SLC25A24: variants seen among roughly 807,000 people sequenced by gnomAD.
SLC25A24 encodes solute carrier family 25 member 24, also known as mitochondrial adenyl nucleotide antiporter SLC25A24.
In SLC25A24, 49 loss-of-function variants were observed where a neutral mutation model predicts 60.7. The ratio of observed to expected loss-of-function variants is 0.81; its 90% CI spans 0.64 to 1.02. The LOEUF is 1.02. Ranked by LOEUF, SLC25A24 falls within the 50% of genes least tolerant of loss-of-function variation. The pLI is 0.00. For synonymous variants in SLC25A24, 202 were observed against 200.6 expected (o/e 1.01, Z -0.06); for missense variants, 564 against 586.3 (o/e 0.96, Z 0.39).
intron 4 of SLC25A24, among the ~76,000 whole-genome samples, chr1:108,158,206 T>C (rs879701075): frequency 3.3e-5 from 5 of 152,216 alleles, no homozygotes; most frequent in Non-Finnish European, 7.3e-5. Flanking sequence ...ATAGATTCTA[T>C]ATAAAATTTA....
At chr1:108,144,851 T>C (rs1380934250) in intron 7 of SLC25A24, among the ~76,000 whole-genome samples, 1 of 152,246 alleles carries the variant, frequency 6.6e-6, no homozygotes. Context: ...TTGGGTTGGT[T>C]CCAAGTCTTT....
intron 9 of SLC25A24, 112 bp downstream of exon 9, chr1:108,138,946 T>G: frequency 9.0e-7 from 1 of 1,110,686 alleles, no homozygotes; most frequent in Non-Finnish European, 1.2e-6. Context: ...AAAAAAAGGT[T>G]GAGAAATACT....
chr1:108,142,976 G>T (rs1194746914), intron 8 of SLC25A24, among the ~76,000 whole-genome samples: 1 of 152,102 alleles, frequency 6.6e-6, no homozygotes, highest in East Asian at 1.9e-4. Flanking sequence ...GCTCATGTCT[G>T]TCGCAGCACA....
rs189031939 is a variant in SLC25A24 at position 108,137,715 on chromosome 1, A to C, written c.1250-878T>G. ...GCTGGCAGACAGGAGGGTTAGAATC[A>C]GACTGCATGTGTCTGAATTTCAGTC... On this transcript the variant is annotated intron_variant, in intron 9 of 9. Transcript: ENST00000565488. 5.6e-4 allele frequency among the ~76,000 whole-genome samples: 86 copies of C among 152,334 alleles called. 1 individual carries two copies. The highest frequency in any genetic ancestry group is 8.5e-4 in the Admixed American group (13 of 15,310).
intron 2 of SLC25A24, among the ~76,000 whole-genome samples, chr1:108,185,383 C>T (rs1368872588): frequency 1.3e-5 from 2 of 152,034 alleles, no homozygotes; most frequent in Non-Finnish European, 2.9e-5. Context: ...TAAATTAATT[C>T]TTCCAAAAAA....
chr1:108,191,623 A>G lies in SLC25A24; in HGVS notation c.184-5669T>C, dbSNP rs1648345384. On this transcript the variant is annotated intron_variant, in intron 1 of 9. Transcript: ENST00000565488. ...AATGTGCTCAAACTAGAACTGACCC[A>G]TGACTGAATGGATGCTTCAATATTC... 1.4e-5 allele frequency among the ~76,000 whole-genome samples: 2 copies of G among 139,698 alleles called. 1 individual carries two copies. Among genetic ancestry groups the G allele is most frequent in the Admixed American group, 1.6e-4 (2 of 12,284 alleles). The allele number at this position is 139,698 out of a possible 152,430, so 91.6% of individuals were successfully genotyped here.
At chr1:108,199,060 A>G (rs752824509) in intron 1 of SLC25A24, 2 of 152,270 alleles carry the variant, frequency 1.3e-5, no homozygotes, top group Non-Finnish European at 2.9e-5. Flanking sequence ...GGTGAGTATT[A>G]TGAACCTTGG....
chr1:108,165,948 T>A (rs1069909), intron 3 of SLC25A24, among the ~76,000 whole-genome samples: 30,347 of 152,188 alleles, frequency 0.2, 3,165 homozygotes, highest in Admixed American at 0.22. Flanking sequence ...TTCCTTTCCA[T>A]GTTAAGCACT....
chr1:108,155,260 A>G (rs1679865553), intron 5 of SLC25A24, 125 bp from the exon 6 acceptor site: 2 of 870,954 alleles, frequency 2.3e-6, no homozygotes, highest in African/African-American at 1.7e-5. Context: ...AAAATAAAAT[A>G]TAGAAAGGTT....
intron 3 of SLC25A24, among the ~76,000 whole-genome samples, chr1:108,178,823 A>C (rs999437960): frequency 1.3e-5 from 2 of 152,106 alleles, no homozygotes; most frequent in African/African-American, 2.4e-5. Flanking sequence ...AAAAAAAAAA[A>C]CAACAACTAG....
chr1:108,157,650 G>A lies in SLC25A24; in HGVS notation c.511-30C>T, dbSNP rs561224091. 105 of 1,595,546 alleles carry A rather than the reference G, an allele frequency of 6.6e-5. 1 individual carries two copies. The South Asian group carries it at 7.5e-4, about 11-fold the overall frequency. ...AAAAATGAAAAAAAGATCCCCATGCGCCTTAGTTAAAAATAATCCCAGAAG... is the reference window on the plus strand; with the variant it reads ...AAAAATGAAAAAAAGATCCCCATGCACCTTAGTTAAAAATAATCCCAGAAG... On this transcript the variant is annotated intron_variant, in intron 4 of 9. Coordinates refer to ENST00000565488, the MANE Select transcript of SLC25A24 (RefSeq NM_013386.5).
intron 7 of SLC25A24, among the ~76,000 whole-genome samples, chr1:108,143,992 C>G (rs1679517110): frequency 6.6e-6 from 1 of 152,114 alleles, no homozygotes; most frequent in Non-Finnish European, 1.5e-5. Flanking sequence ...CTGGTGACCA[C>G]CTGCATCTGG....
intron 3 of SLC25A24, among the ~76,000 whole-genome samples, chr1:108,175,463 A>G (rs1412250786): frequency 1.3e-5 from 2 of 152,160 alleles, no homozygotes; most frequent in Non-Finnish European, 2.9e-5. Context: ...ACCCAGTCTC[A>G]GGCAGTTCTT....
At chr1:108,177,500 A>G (rs1323209948) in intron 3 of SLC25A24, among the ~76,000 whole-genome samples, 1 of 152,184 alleles carries the variant, frequency 6.6e-6, no homozygotes, top group Non-Finnish European at 1.5e-5. Context: ...AGATCCAACT[A>G]TATGCTGCCC....
At chr1:108,173,485 C>T (rs1647555858) in intron 3 of SLC25A24, among the ~76,000 whole-genome samples, 1 of 152,198 alleles carries the variant, frequency 6.6e-6, no homozygotes, top group Non-Finnish European at 1.5e-5. Flanking sequence ...TCAATTAAAC[C>T]TCTTTCCTTT....
intron 1 of SLC25A24, among the ~76,000 whole-genome samples, chr1:108,186,558 AAAAG>A (rs1341540378): frequency 1.3e-5 from 2 of 152,162 alleles, no homozygotes; most frequent in Non-Finnish European, 2.9e-5. Flanking sequence ...CTGTCTCTAA[AAAAG>A]AAAGAAAGAA....
chr1:108,191,678 T>G (rs1648347664), intron 1 of SLC25A24, among the ~76,000 whole-genome samples: 2 of 139,106 alleles, frequency 1.4e-5, no homozygotes, highest in African/African-American at 5.0e-5. Context: ...TAGAAAGAGT[T>G]TTACTAAATT....
At chr1:108,161,107 C>A (rs535105443) in intron 4 of SLC25A24, 75 bp downstream of exon 4, 1 of 778,040 alleles carries the variant, frequency 1.3e-6, no homozygotes, top group Non-Finnish European at 2.2e-6. Context: ...ATAAGTGTTA[C>A]AGAGTGTTCT....
At chr1:108,198,168 C>A (rs1352845679) in intron 1 of SLC25A24, among the ~76,000 whole-genome samples, 1 of 152,154 alleles carries the variant, frequency 6.6e-6, no homozygotes, top group African/African-American at 2.4e-5. Flanking sequence ...GAACTGTGAG[C>A]TAAATAAATG....
Sources: gnomAD v4.1 joint callset for allele counts (sites outside exome capture counted in the v4.1 genomes callset) on GRCh38, gnomAD v4.1.1 for gene constraint, MANE v1.5 for transcripts, NCBI Gene and HGNC (gene_info 2026-07-23, HGNC 2026-07-21) for gene names.